The following ADARB2 variants were observed in gnomAD, a reference collection of about 807,000 sequenced individuals.
The protein encoded by ADARB2 is inactive double-stranded RNA-specific editase B2.
Under a neutral mutation model 62.2 loss-of-function variants are expected in ADARB2, and 25 were observed. The observed-to-expected ratio is 0.40, with a 90% confidence interval of 0.29 to 0.56. The LOEUF (loss-of-function observed/expected upper bound fraction) is 0.56, where lower values mean the gene tolerates loss of function less well. Ranked by LOEUF, ADARB2 falls within the 20% of genes least tolerant of loss-of-function variation. The pLI is 0.43. For missense variants in ADARB2, 1,071 were observed against 1,077.4 expected, an observed-to-expected ratio of 0.99 and a Z score of 0.08; for synonymous variants, 572 against 500.8, an observed-to-expected ratio of 1.14 and a Z score of -1.90.
intron 1 of ADARB2, among the ~76,000 whole-genome samples, chr10:1,389,568 C>T (rs143806392): frequency 6.6e-6 from 1 of 152,098 alleles, no homozygotes; most frequent in Non-Finnish European, 1.5e-5. Flanking sequence ...CATGGTAAAA[C>T]CCCATCTCTA....
intron 1 of ADARB2, among the ~76,000 whole-genome samples, chr10:1,638,946 C>A (rs371891767): frequency 1.3e-5 from 2 of 152,200 alleles, no homozygotes; most frequent in Admixed American, 6.5e-5. Flanking sequence ...GGAGAGGCTG[C>A]CTTGCCTGCA....
intron 8 of ADARB2, among the ~76,000 whole-genome samples, chr10:1,193,207 T>G (rs1412942904): frequency 6.6e-6 from 1 of 152,208 alleles, no homozygotes; most frequent in Non-Finnish European, 1.5e-5. Flanking sequence ...CAGGAGGGTT[T>G]GTGCCTCCAC....
At chr10:1,484,386 G>A (rs1209572251) in intron 1 of ADARB2, among the ~76,000 whole-genome samples, 9 of 152,216 alleles carry the variant, frequency 5.9e-5, no homozygotes, top group Admixed American at 1.3e-4. Flanking sequence ...ACAGCTGAGC[G>A]TCCCTGTGCC....
rs539163403 is a variant in ADARB2, at chr10:1,627,333, G to A, written c.100+109718C>T. ...AGGGCCCATCTGTGCATGCAAGATCGCCTCCCACAAAGGAGAGAAATTCTC... is the reference window on the plus strand; with the variant it reads ...AGGGCCCATCTGTGCATGCAAGATCACCTCCCACAAAGGAGAGAAATTCTC... On this transcript the variant is annotated intron_variant, in intron 1 of 9. Transcript: ENST00000381312. Among the ~76,000 whole-genome samples, 16 of 152,114 alleles carry A rather than the reference G, an allele frequency of 1.1e-4. 1 individual carries two copies. In the South Asian group the frequency reaches 1.7e-3, roughly 16 times the overall value.
At chr10:1,224,330 T>A (rs564940352) in intron 6 of ADARB2, among the ~76,000 whole-genome samples, 35 of 152,200 alleles carry the variant, frequency 2.3e-4, no homozygotes, top group African/African-American at 7.7e-4. Flanking sequence ...TCTTTATTAG[T>A]CTTGCTAGTG....
intron 1 of ADARB2, among the ~76,000 whole-genome samples, chr10:1,475,156 C>T (rs891923939): frequency 3.3e-5 from 5 of 152,136 alleles, no homozygotes; most frequent in African/African-American, 9.6e-5. Context: ...GGGGAGGGTC[C>T]GGCACTCAGG....
At chr10:1,381,025 A>AGTTGTTACTTTCTGAT (rs1832477901) in intron 1 of ADARB2, among the ~76,000 whole-genome samples, 1 of 152,234 alleles carries the variant, frequency 6.6e-6, no homozygotes, top group Admixed American at 6.5e-5. Context: ...GATCCATCAA[A>AGTTGTTACTTTCTGAT]GTTGTTACTT....
intron 1 of ADARB2, among the ~76,000 whole-genome samples, chr10:1,572,376 G>A (rs1564334477): frequency 6.6e-6 from 1 of 152,284 alleles, no homozygotes; most frequent in East Asian, 1.9e-4. Flanking sequence ...CAGGCATCAG[G>A]CAGCTATGCT....
chr10:1,602,567 G>C (rs151270438), intron 1 of ADARB2, among the ~76,000 whole-genome samples: 1 of 152,142 alleles, frequency 6.6e-6, no homozygotes, highest in South Asian at 2.1e-4. Flanking sequence ...CCAGGGAGAG[G>C]CTATCCTGGC....
chr10:1,318,420 G>A (rs2804098), intron 3 of ADARB2, among the ~76,000 whole-genome samples: 20,851 of 152,234 alleles, frequency 0.14, 2,908 homozygotes, highest in African/African-American at 0.36. Flanking sequence ...GGGCTGGGCC[G>A]GAGGGATGTG....
chr10:1,694,300 G>A lies in ADARB2; in HGVS notation c.100+42751C>T, dbSNP rs1218292260. Among the ~76,000 whole-genome samples, 6 of 152,208 alleles carry A rather than the reference G, an allele frequency of 3.9e-5. No individual in the cohort carries two copies. The South Asian group carries it at 1.2e-3, about 31-fold the overall frequency. On this transcript the variant is annotated intron_variant, in intron 1 of 9. Coordinates refer to ENST00000381312, the MANE Select transcript of ADARB2 (RefSeq NM_018702.4). ...AAATTCATGCTTAAAATAGCAAATTGTTTCATATATTAATTGGAGTAATGT... is the reference window on the plus strand; with the variant it reads ...AAATTCATGCTTAAAATAGCAAATTATTTCATATATTAATTGGAGTAATGT...
At chr10:1,488,998 G>T (rs1564305611) in intron 1 of ADARB2, among the ~76,000 whole-genome samples, 1 of 152,252 alleles carries the variant, frequency 6.6e-6, no homozygotes, top group African/African-American at 2.4e-5. Flanking sequence ...GATGGATTGT[G>T]CAGCTTCAGG....
At chr10:1,411,470 C>T (rs552327992) in intron 1 of ADARB2, among the ~76,000 whole-genome samples, 3 of 152,296 alleles carry the variant, frequency 2.0e-5, no homozygotes, top group Non-Finnish European at 2.9e-5. Context: ...TAACTCTTAC[C>T]CAAGTTACTG....
intron 1 of ADARB2, among the ~76,000 whole-genome samples, chr10:1,448,661 C>T (rs1830999448): frequency 6.6e-6 from 1 of 152,170 alleles, no homozygotes. Flanking sequence ...GCAGATTGAA[C>T]CTAGAAAGAC....
At chr10:1,455,253 A>G (rs932519283) in intron 1 of ADARB2, among the ~76,000 whole-genome samples, 1 of 152,240 alleles carries the variant, frequency 6.6e-6, no homozygotes, top group African/African-American at 2.4e-5. Flanking sequence ...GTGCAAATCA[A>G]GCGCCACCTG....
chr10:1,349,922 C>A lies in ADARB2; in HGVS notation c.1077+13106G>T, dbSNP rs543539528. On this transcript the variant is annotated intron_variant, in intron 3 of 9. Transcript: ENST00000381312. ...GTGGGGACGCCTGCCTTGGCTGCTC[C>A]CCACAACCAATTCTCCATGCCTCTA... Among the ~76,000 whole-genome samples the A allele has an allele frequency of 4.6e-5, 7 of 152,178 alleles. No individual in the cohort carries two copies. In the South Asian group the frequency reaches 1.5e-3, roughly 32 times the overall value.
intron 1 of ADARB2, among the ~76,000 whole-genome samples, chr10:1,527,484 A>G (rs1043769621): frequency 6.6e-6 from 1 of 152,360 alleles, no homozygotes; most frequent in Middle Eastern, 3.4e-3. Flanking sequence ...AGCAAACACA[A>G]TAATCCACAA....
At chr10:1,498,375 CAAATAAATAAAT>C (rs146551454) in intron 1 of ADARB2, among the ~76,000 whole-genome samples, 58 of 147,252 alleles carry the variant, frequency 3.9e-4, no homozygotes, top group South Asian at 1.1e-3. Flanking sequence ...AACTCTGTCT[CAAATAAATAAAT>C]AAATAAATAA....
Position 1,363,303 on chromosome 10 carries a change from G to A in ADARB2, c.802C>T (p.Pro268Ser). The A allele has an allele frequency of 8.1e-7, 1 of 1,232,186 alleles. No homozygotes were observed. Among genetic ancestry groups the A allele is most frequent in the Non-Finnish European group, 1.0e-6 (1 of 986,954 alleles). 76.3% of individuals were successfully genotyped at this position (1,232,186 alleles called of 1,614,324 possible). A position where few individuals can be genotyped will look rare whatever the true frequency, so the allele number is the denominator to read the frequency against. ...CRALDLVGPT[P>S]ATPAAPGERN... ...TCGCCCGGGGCCGCGGGGGTGGCGG[G>A]GGTCGGGCCCACCAGGTCCAGCGCG... The change falls in exon 3 of 10, where the codon CCC becomes TCC. Residue 268 changes from proline (P) to serine (S), a missense_variant. Transcript: ENST00000381312.
Sources: allele counts gnomAD v4.1 joint callset (sites outside exome capture counted in the v4.1 genomes callset), GRCh38; gene constraint gnomAD v4.1.1; transcripts MANE v1.5; gene names NCBI Gene and HGNC (gene_info 2026-07-23, HGNC 2026-07-21).